The following PTPRD variants were observed in gnomAD, a reference collection of about 807,000 sequenced individuals.
PTPRD encodes the protein receptor-type tyrosine-protein phosphatase delta.
Under a neutral mutation model 214.5 loss-of-function variants are expected in PTPRD, and 34 were observed. That is an observed-to-expected ratio of 0.16 (90% CI 0.12 to 0.21). The LOEUF (loss-of-function observed/expected upper bound fraction) is 0.21, where lower values mean the gene tolerates loss of function less well. Among genes scored for constraint, PTPRD ranks in the 10% least tolerant of loss-of-function variants. PTPRD has a pLI of 1.00. For synonymous variants in PTPRD, 1,128 were observed against 845.7 expected (o/e 1.33, Z -5.79); for missense variants, 2,545 against 2,398.7 (o/e 1.06, Z -1.27).
intron 14 of PTPRD, among the ~76,000 whole-genome samples, chr9:8,573,863 A>C (rs4742522): frequency 0.21 from 32,032 of 151,780 alleles, 3,986 homozygotes; most frequent in African/African-American, 0.34. Flanking sequence ...CAATTTGTTT[A>C]TATTTCAATT....
At chr9:8,933,004 C>T (rs895919358) in intron 11 of PTPRD, among the ~76,000 whole-genome samples, 2 of 152,090 alleles carry the variant, frequency 1.3e-5, no homozygotes, top group Non-Finnish European at 1.5e-5. Context: ...GGTGTAGGCA[C>T]CAGAGAGAAT....
intron 35 of PTPRD, among the ~76,000 whole-genome samples, chr9:8,424,173 G>T (rs1452794229): frequency 1.3e-5 from 2 of 152,076 alleles, no homozygotes; most frequent in African/African-American, 4.8e-5. Flanking sequence ...ATAACAAAAA[G>T]AAATTTGGGA....
At chr9:10,268,720 C>T (rs1438907139) in intron 3 of PTPRD, among the ~76,000 whole-genome samples, 1 of 152,170 alleles carries the variant, frequency 6.6e-6, no homozygotes, top group Non-Finnish European at 1.5e-5. Flanking sequence ...CCTCTCATCC[C>T]AGAATCCCTA....
intron 8 of PTPRD, among the ~76,000 whole-genome samples, chr9:9,543,984 A>C (rs2078184206): frequency 6.6e-6 from 1 of 151,600 alleles, no homozygotes; most frequent in Admixed American, 6.6e-5. Context: ...GAATCCCTCC[A>C]CCTTCAATTT....
intron 7 of PTPRD, among the ~76,000 whole-genome samples, chr9:9,721,102 A>G (rs954279259): frequency 5.3e-5 from 8 of 152,154 alleles, no homozygotes; most frequent in African/African-American, 1.9e-4. Flanking sequence ...GTTTATCTAT[A>G]TAACAAACCT....
At chr9:10,384,323 TTAAAA>T (rs1245929665) in intron 2 of PTPRD, among the ~76,000 whole-genome samples, 2 of 151,694 alleles carry the variant, frequency 1.3e-5, no homozygotes, top group African/African-American at 2.4e-5. Flanking sequence ...CCCACAAAAA[TTAAAA>T]TAAAAATATT....
At chr9:10,492,789 G>A (rs1187997500) in intron 2 of PTPRD, among the ~76,000 whole-genome samples, 1 of 152,082 alleles carries the variant, frequency 6.6e-6, no homozygotes, top group Admixed American at 6.6e-5. Flanking sequence ...CTATGCCCAT[G>A]TCTATGTCCT....
intron 5 of PTPRD, among the ~76,000 whole-genome samples, chr9:9,803,939 A>T (rs1468499180): frequency 6.6e-6 from 1 of 152,008 alleles, no homozygotes; most frequent in East Asian, 1.9e-4. Flanking sequence ...ATCTCACTAG[A>T]AGTTTATGGG....
At chr9:9,860,099 C>A (rs1397150332) in intron 5 of PTPRD, among the ~76,000 whole-genome samples, 3 of 152,090 alleles carry the variant, frequency 2.0e-5, no homozygotes, top group Non-Finnish European at 2.9e-5. Flanking sequence ...TTCACATGGC[C>A]ATGAACAATA....
At chr9:10,297,189 C>T (rs2095704063) in intron 3 of PTPRD, among the ~76,000 whole-genome samples, 1 of 150,272 alleles carries the variant, frequency 6.7e-6, no homozygotes, top group African/African-American at 2.4e-5. Context: ...AGGTTTGTTA[C>T]ATATGTATAC....
chr9:9,226,873 G>C (rs1364596703), intron 9 of PTPRD, among the ~76,000 whole-genome samples: 1 of 151,956 alleles, frequency 6.6e-6, no homozygotes, highest in African/African-American at 2.4e-5. Flanking sequence ...TGAAGATATG[G>C]TCATTGACTA....
In PTPRD at chr9:9,873,536, G is replaced by C. The variant is rs532391426; in HGVS notation, c.-368+64971C>G. Among the ~76,000 whole-genome samples the C allele has an allele frequency of 5.3e-5, 8 of 152,036 alleles. No individual in the cohort carries two copies. The East Asian group carries it at 1.4e-3, about 26-fold the overall frequency. ...ATGACTCTCTGGGTAATTTACCACA[G>C]AGTCCAAGGAGGAGGGCACAGAATT... On this transcript the variant is annotated intron_variant, in intron 5 of 45. Coordinates refer to ENST00000381196, the MANE Select transcript of PTPRD (RefSeq NM_002839.4).
intron 11 of PTPRD, among the ~76,000 whole-genome samples, chr9:8,753,763 T>C (rs1450338210): frequency 6.6e-6 from 1 of 152,226 alleles, no homozygotes; most frequent in Non-Finnish European, 1.5e-5. Context: ...TTCACAAGAT[T>C]TCTATGCAGA....
chr9:10,198,577 C>T (rs1170875585), intron 3 of PTPRD, among the ~76,000 whole-genome samples: 2 of 152,068 alleles, frequency 1.3e-5, no homozygotes, highest in Non-Finnish European at 1.5e-5. Flanking sequence ...GGATCCATTA[C>T]AGGACTGTTA....
At chr9:8,737,212 C>G (rs1246329636) in intron 11 of PTPRD, among the ~76,000 whole-genome samples, 1 of 152,130 alleles carries the variant, frequency 6.6e-6, no homozygotes, top group Non-Finnish European at 1.5e-5. Flanking sequence ...ATCTAGCACT[C>G]TAGAAACGAA....
At chr9:9,755,259 G>C (rs998107555) in intron 6 of PTPRD, among the ~76,000 whole-genome samples, 1 of 151,956 alleles carries the variant, frequency 6.6e-6, no homozygotes, top group South Asian at 2.1e-4. Context: ...GGTGATAAAT[G>C]ATCATCTCCC....
At chr9:10,547,099 A>C (rs567087081) in intron 2 of PTPRD, among the ~76,000 whole-genome samples, 2 of 152,156 alleles carry the variant, frequency 1.3e-5, no homozygotes, top group Non-Finnish European at 2.9e-5. Context: ...TAACAAATAA[A>C]CTTTCTTATT....
intron 36 of PTPRD, among the ~76,000 whole-genome samples, chr9:8,396,395 C>T (rs1302477523): frequency 6.6e-6 from 1 of 152,024 alleles, no homozygotes; most frequent in African/African-American, 2.4e-5. Flanking sequence ...TACAATTTCC[C>T]AGCAATCTGC....
intron 7 of PTPRD, among the ~76,000 whole-genome samples, chr9:9,632,970 T>A (rs1207695822): frequency 1.3e-5 from 2 of 151,768 alleles, no homozygotes; most frequent in Non-Finnish European, 2.9e-5. Flanking sequence ...TATAGCCAAA[T>A]GGGAAGGTAT....
Sources: gnomAD v4.1 joint callset for allele counts (sites outside exome capture counted in the v4.1 genomes callset) on GRCh38, gnomAD v4.1.1 for gene constraint, MANE v1.5 for transcripts, NCBI Gene and HGNC (gene_info 2026-07-23, HGNC 2026-07-21) for gene names.